Variants in GULP1 observed in about 807,000 individuals in gnomAD.
GULP1 encodes the protein GULP PTB domain containing engulfment adaptor 1, also known as PTB domain-containing engulfment adapter protein 1.
GULP1 carries 19 observed loss-of-function variants against 40.9 expected under a neutral mutation model. The observed-to-expected ratio is 0.46, with a 90% CI of 0.32 to 0.68. The LOEUF is 0.68. Ranked by LOEUF, GULP1 falls within the 30% of genes least tolerant of loss-of-function variation. The pLI, the probability that GULP1 is intolerant of heterozygous loss-of-function variation, is 0.03. For synonymous variants in GULP1, 119 were observed against 117.6 expected (o/e 1.01, Z -0.08); for missense variants, 312 against 362.2 (o/e 0.86, Z 1.12).
chr2:188,304,694 C>A (rs2036747118), intron 1 of GULP1, among the ~76,000 whole-genome samples: 1 of 152,170 alleles, frequency 6.6e-6, no homozygotes, highest in Non-Finnish European at 1.5e-5. Context: ...TTTTGTCCCT[C>A]TGATGGCACA....
chr2:188,570,177 A>G, intron 9 of GULP1, 57 bp downstream of exon 9: 4 of 742,184 alleles, frequency 5.4e-6, no homozygotes, highest in Non-Finnish European at 9.4e-6. Context: ...ACATCTGTGT[A>G]TCACTAGTTC....
chr2:188,485,955 T>C (rs1022901051), intron 4 of GULP1, among the ~76,000 whole-genome samples: 1 of 152,022 alleles, frequency 6.6e-6, no homozygotes, highest in East Asian at 1.9e-4. Context: ...TAATCGTATC[T>C]ATGAAATAAC....
intron 4 of GULP1, among the ~76,000 whole-genome samples, chr2:188,512,620 T>G (rs2064704530): frequency 1.3e-5 from 2 of 152,110 alleles, no homozygotes; most frequent in African/African-American, 2.4e-5. Flanking sequence ...GGAAAGCAGA[T>G]ATTCTAAATG....
At chr2:188,524,112 A>G (rs1016279001) in intron 5 of GULP1, among the ~76,000 whole-genome samples, 10 of 152,222 alleles carry the variant, frequency 6.6e-5, no homozygotes, top group Non-Finnish European at 1.3e-4. Flanking sequence ...CATGAATCCA[A>G]CTTCACTACA....
At chr2:188,447,097 G>A (rs1475460197) in intron 2 of GULP1, among the ~76,000 whole-genome samples, 3 of 152,102 alleles carry the variant, frequency 2.0e-5, no homozygotes. Flanking sequence ...CAGGTTATAG[G>A]TAGAATTAAA....
chr2:188,390,731 G>T (rs1017456956), intron 2 of GULP1, among the ~76,000 whole-genome samples: 5 of 151,932 alleles, frequency 3.3e-5, no homozygotes, highest in African/African-American at 9.7e-5. Flanking sequence ...TATCTTCTAG[G>T]TTTTTTATGG....
intron 1 of GULP1, among the ~76,000 whole-genome samples, chr2:188,378,757 T>G (rs2048631653): frequency 6.6e-6 from 1 of 152,148 alleles, no homozygotes; most frequent in Admixed American, 6.6e-5. Flanking sequence ...AAGCCATTCA[T>G]GAGGGATCTG....
chr2:188,401,310 G>T (rs1575019783), intron 2 of GULP1, among the ~76,000 whole-genome samples: 1 of 152,032 alleles, frequency 6.6e-6, no homozygotes, highest in South Asian at 2.1e-4. Context: ...TCTATAGTAA[G>T]ATCTCGATAC....
intron 1 of GULP1, among the ~76,000 whole-genome samples, chr2:188,377,276 C>A (rs966990762): frequency 6.6e-6 from 1 of 152,056 alleles, no homozygotes; most frequent in African/African-American, 2.4e-5. Flanking sequence ...AACTTTTAAA[C>A]ACACCAACGG....
At chr2:188,418,229 A>G (rs1182262261) in intron 2 of GULP1, among the ~76,000 whole-genome samples, 1 of 152,188 alleles carries the variant, frequency 6.6e-6, no homozygotes, top group East Asian at 1.9e-4. Flanking sequence ...AGTTTGCCAA[A>G]ATATTTACAA....
intron 2 of GULP1, among the ~76,000 whole-genome samples, chr2:188,421,318 A>G (rs551061032): frequency 2.0e-5 from 3 of 152,292 alleles, no homozygotes; most frequent in African/African-American, 4.8e-5. Context: ...TATAAATTAT[A>G]AACTTTTATA....
intron 4 of GULP1, among the ~76,000 whole-genome samples, chr2:188,496,149 C>G (rs923020401): frequency 1.3e-5 from 2 of 152,016 alleles, no homozygotes; most frequent in African/African-American, 4.8e-5. Context: ...TGAGTCACCT[C>G]ACCCCAGATT....
chr2:188,568,587 C>G (rs1698333750), intron 7 of GULP1, among the ~76,000 whole-genome samples: 1 of 152,080 alleles, frequency 6.6e-6, no homozygotes, highest in Non-Finnish European at 1.5e-5. Context: ...AACTGTTTAC[C>G]ATCGCTTAAA....
intron 2 of GULP1, among the ~76,000 whole-genome samples, chr2:188,474,838 G>A (rs985973666): frequency 8.6e-5 from 13 of 152,010 alleles, no homozygotes; most frequent in African/African-American, 2.9e-4. Flanking sequence ...TAATAATAGG[G>A]AAATGATTCA....
At chr2:188,330,607 G>A (rs1026840753) in intron 1 of GULP1, among the ~76,000 whole-genome samples, 24 of 152,244 alleles carry the variant, frequency 1.6e-4, no homozygotes, top group Non-Finnish European at 3.1e-4. Flanking sequence ...TGTGATTTAT[G>A]TCTAACTTTT....
chr2:188,405,035 C>T (rs1252753046), intron 2 of GULP1, among the ~76,000 whole-genome samples: 1 of 152,162 alleles, frequency 6.6e-6, no homozygotes, highest in Non-Finnish European at 1.5e-5. Flanking sequence ...GGGACTGTTC[C>T]AGCTGATCCA....
At chr2:188,566,468 T>G (rs1256319102) in intron 7 of GULP1, among the ~76,000 whole-genome samples, 1 of 152,046 alleles carries the variant, frequency 6.6e-6, no homozygotes, top group East Asian at 1.9e-4. Context: ...ATTAATAATG[T>G]TACCATTTAA....
intron 1 of GULP1, among the ~76,000 whole-genome samples, chr2:188,344,445 G>A (rs181249131): frequency 2.6e-5 from 4 of 152,260 alleles, no homozygotes; most frequent in Admixed American, 1.3e-4. Context: ...TAAAAGTGTT[G>A]CAAAAAGCTC....
intron 1 of GULP1, among the ~76,000 whole-genome samples, chr2:188,353,062 A>C (rs1262503463): frequency 6.6e-6 from 1 of 152,186 alleles, no homozygotes; most frequent in African/African-American, 2.4e-5. Context: ...ATAAACCTGG[A>C]AAATTCATGG....
Sources: allele counts gnomAD v4.1 joint callset (sites outside exome capture counted in the v4.1 genomes callset), GRCh38; gene constraint gnomAD v4.1.1; transcripts MANE v1.5; gene names NCBI Gene and HGNC (gene_info 2026-07-23, HGNC 2026-07-21).